Variants in INO80 observed in about 807,000 individuals in gnomAD.
INO80 encodes the protein chromatin-remodeling ATPase INO80.
INO80 carries 20 observed loss-of-function variants against 203.4 expected under a neutral mutation model. The observed-to-expected ratio is 0.10, with a 90% CI of 0.07 to 0.14. The LOEUF is 0.14. INO80 is among the 10% of genes least tolerant of loss of function. The probability of loss-of-function intolerance (pLI) is 1.00; values close to 1 mark genes in which losing one functional copy is unlikely to be tolerated. For synonymous variants in INO80, 726 were observed against 685.2 expected (o/e 1.06, Z -0.93); for missense variants, 1,419 against 1,914.4 (o/e 0.74, Z 4.83).
chr15:40,987,255 G>A, intron 30 of INO80, 62 bp from the exon 31 acceptor site: 7 of 1,001,510 alleles, frequency 7.0e-6, no homozygotes, highest in Non-Finnish European at 1.1e-5. Flanking sequence ...CAAATATCCA[G>A]AAAAAGATAC....
intron 16 of INO80, among the ~76,000 whole-genome samples, chr15:41,057,797 C>CAAAAAAAAAAAAAAAAAAA (rs35197370): frequency 1.7e-4 from 5 of 29,314 alleles, no homozygotes; most frequent in East Asian, 1.1e-3. Context: ...AACTACATCT[C>CAAAAAAAAAAAAAAAAAAA]AAAAAAAAAA....
chr15:41,064,425 G>A (rs1198903057), intron 14 of INO80, among the ~76,000 whole-genome samples: 1 of 152,032 alleles, frequency 6.6e-6, no homozygotes, highest in Non-Finnish European at 1.5e-5. Flanking sequence ...TGTTGCCTAG[G>A]CTGGAGTACA....
chr15:40,980,464 A>T, intron 35 of INO80, 24 bp from the exon 36 acceptor site: 1 of 1,578,274 alleles, frequency 6.3e-7, no homozygotes, highest in East Asian at 2.2e-5. Flanking sequence ...GAGAGACAAG[A>T]ACGTAAGCAC....
intron 24 of INO80, among the ~76,000 whole-genome samples, chr15:41,036,433 A>C (rs1452362363): frequency 2.0e-5 from 3 of 152,148 alleles, no homozygotes; most frequent in African/African-American, 7.2e-5. Context: ...GATCAAATGC[A>C]GGGCAAAAAT....
At chr15:41,034,501 T>C (rs1226449345) in intron 24 of INO80, among the ~76,000 whole-genome samples, 1 of 152,202 alleles carries the variant, frequency 6.6e-6, no homozygotes, top group Non-Finnish European at 1.5e-5. Context: ...CTTGATCTGA[T>C]GATAGGAAGT....
chr15:41,012,016 AG>A (rs1453077367), intron 27 of INO80, among the ~76,000 whole-genome samples: 2 of 152,246 alleles, frequency 1.3e-5, no homozygotes, highest in Admixed American at 6.5e-5. Context: ...TTTATTGTAT[AG>A]GAAGTATCAA....
intron 6 of INO80, among the ~76,000 whole-genome samples, chr15:41,087,286 G>C (rs928883013): frequency 6.6e-6 from 1 of 152,076 alleles, no homozygotes; most frequent in Non-Finnish European, 1.5e-5. Context: ...TAAAGTATAC[G>C]AGAGGATGTG....
chr15:41,077,109 G>A (rs185442154), intron 9 of INO80, among the ~76,000 whole-genome samples: 15 of 151,878 alleles, frequency 9.9e-5, no homozygotes, highest in South Asian at 4.2e-4. Flanking sequence ...GGGTTTCACC[G>A]TGTTAGCCAG....
At chr15:40,995,115 C>A (rs755753924) in intron 29 of INO80, among the ~76,000 whole-genome samples, 8 of 152,236 alleles carry the variant, frequency 5.3e-5, no homozygotes, top group Non-Finnish European at 1.0e-4. Context: ...CTCAGCCTCC[C>A]AAAGTGCTGG....
At chr15:41,077,186 C>T (rs752297784) in intron 9 of INO80, among the ~76,000 whole-genome samples, 24 of 149,572 alleles carry the variant, frequency 1.6e-4, no homozygotes, top group South Asian at 2.1e-4. Context: ...GGATTACAAG[C>T]GTGAGCCACC....
intron 17 of INO80, among the ~76,000 whole-genome samples, chr15:41,055,600 A>G (rs2044968197): frequency 6.6e-6 from 1 of 152,246 alleles, no homozygotes. Flanking sequence ...ATTTCAAACT[A>G]AAAGTTTCAA....
At chr15:40,984,535 A>G (rs746417648) in intron 32 of INO80, among the ~76,000 whole-genome samples, 183 bp from the exon 33 acceptor site, 22 of 151,982 alleles carry the variant, frequency 1.4e-4, no homozygotes, top group Admixed American at 3.3e-4. Flanking sequence ...GTTTGTGTGT[A>G]TTTCAGTCGA....
rs898568761 is a variant in INO80 at position 41,058,626 on chromosome 15, C to T, written c.1985+13G>A. Reference sequence around the variant, plus strand: ...CCCAATGCATTGAGTTTGGTTTCTACTACTCATGTTACCTGGAACTACTCT... The same window carrying T: ...CCCAATGCATTGAGTTTGGTTTCTATTACTCATGTTACCTGGAACTACTCT... On this transcript the variant is annotated intron_variant, in intron 16 of 35. Coordinates refer to ENST00000648947, the MANE Select transcript of INO80 (RefSeq NM_017553.3). 4 of 1,608,538 alleles carry T rather than the reference C, an allele frequency of 2.5e-6. No homozygotes were observed. The African/African-American group carries it at 4.0e-5, about 16-fold the overall frequency.
intron 28 of INO80, among the ~76,000 whole-genome samples, chr15:41,000,919 T>G (rs1001728887): frequency 2.0e-5 from 3 of 152,100 alleles, no homozygotes; most frequent in African/African-American, 7.2e-5. Context: ...ATCAATTATG[T>G]ATTGAAAAGA....
At chr15:41,017,868 A>G (rs2044234206) in intron 26 of INO80, 1 of 152,176 alleles carries the variant, frequency 6.6e-6, no homozygotes, top group African/African-American at 2.4e-5. Flanking sequence ...AACACAATCA[A>G]ATGACTGCAG....
At chr15:41,090,966 C>G (rs1465739088) in intron 5 of INO80, among the ~76,000 whole-genome samples, 1 of 149,460 alleles carries the variant, frequency 6.7e-6, no homozygotes, top group Non-Finnish European at 1.5e-5. Context: ...GCTCTGTCAC[C>G]CAGGCAAGAG....
chr15:41,065,399 C>A (rs972465367), intron 14 of INO80, among the ~76,000 whole-genome samples: 3 of 152,120 alleles, frequency 2.0e-5, no homozygotes, highest in Admixed American at 6.6e-5. Flanking sequence ...CACGCCACTG[C>A]ACTCCAGCCT....
intron 9 of INO80, among the ~76,000 whole-genome samples, chr15:41,078,190 G>T (rs941175089): frequency 6.6e-6 from 1 of 152,048 alleles, no homozygotes; most frequent in Non-Finnish European, 1.5e-5. Context: ...GAGCCACCGC[G>T]CCCGGCCAAG....
intron 1 of INO80, among the ~76,000 whole-genome samples, chr15:41,100,339 G>A (rs554389880): frequency 6.6e-5 from 10 of 152,126 alleles, no homozygotes; most frequent in Non-Finnish European, 1.5e-4. Context: ...CTCCCAAAGT[G>A]CTGGGATTAC....
Sources: gnomAD v4.1 joint callset for allele counts (sites outside exome capture counted in the v4.1 genomes callset) on GRCh38, gnomAD v4.1.1 for gene constraint, MANE v1.5 for transcripts, NCBI Gene and HGNC (gene_info 2026-07-23, HGNC 2026-07-21) for gene names.